The following ARFGAP1 variants were observed in gnomAD, a reference collection of about 807,000 sequenced individuals.
ARFGAP1 encodes ARF GTPase activating protein 1, also known as ADP-ribosylation factor GTPase-activating protein 1.
In ARFGAP1, 26 loss-of-function variants were observed where a neutral mutation model predicts 54.0. The ratio of observed to expected loss-of-function variants is 0.48; its 90% CI spans 0.35 to 0.67. ARFGAP1 has a LOEUF of 0.67. Ranked by LOEUF, ARFGAP1 falls within the 30% of genes least tolerant of loss-of-function variation. The pLI, the probability that ARFGAP1 is intolerant of heterozygous loss-of-function variation, is 0.00. For missense variants in ARFGAP1, 525 were observed against 535.8 expected (o/e 0.98, Z 0.20); for synonymous variants, 248 against 211.9 (o/e 1.17, Z -1.48).
chr20:63,276,181 GGGCTTGGGGTTCACCTC>G lies in ARFGAP1; in HGVS notation c.152_168del (p.Gly51GlufsTer15), dbSNP rs764439858. 1.9e-6 allele frequency: 3 copies of G among 1,613,798 alleles called. No homozygotes were observed. Among genetic ancestry groups the G allele is most frequent in the Non-Finnish European group, 2.5e-6 (3 of 1,180,014 alleles). On this transcript the variant is annotated frameshift_variant and splice_region_variant, in exon 3 of 13. Coordinates refer to ENST00000370283, the MANE Select transcript of ARFGAP1 (RefSeq NM_018209.4). LOFTEE classifies it high-confidence loss of function. This position sits in a 1 kb window ranked among gnomAD's most constrained non-coding sequence, Gnocchi z 5.2. ...CCTGGAGTGCTCGGGGAGACACCGC[GGGCTTGGGGTTCACCTC>G]AGGTCAGTGTCCTGCCGCTCTGGCT...
intron 10 of ARFGAP1, among the ~76,000 whole-genome samples, chr20:63,285,309 TA>T: frequency 6.6e-6 from 1 of 152,268 alleles, no homozygotes; most frequent in Non-Finnish European, 1.5e-5. Context: ...CCTGCCATCC[TA>T]GGGGGTCAAG....
rs976116050 is a variant in ARFGAP1, at chr20:63,286,499, C to T, written c.911+57C>T. On this transcript the variant is annotated intron_variant, in intron 12 of 12. Transcript: ENST00000370283. ...CCACTCCCCTGCCTTGGCCACTCCT[C>T]CTACAGGCTCTCCAGGAGGTGGCTG... The T allele has an allele frequency of 3.0e-5, 46 of 1,526,672 alleles. No homozygotes were observed. The African/African-American group carries it at 5.6e-4, about 19-fold the overall frequency. 94.6% of individuals were successfully genotyped at this position (1,526,672 alleles called of 1,614,324 possible).
rs373443252 is a variant in ARFGAP1 at position 63,276,300 on chromosome 20, C to T, written c.170+100C>T. The T allele has an allele frequency of 7.0e-7, 1 of 1,431,370 alleles. No individual in the cohort carries two copies. The highest frequency in any genetic ancestry group is 9.7e-7 in the Non-Finnish European group (1 of 1,028,894). The allele number at this position is 1,431,370 out of a possible 1,614,324, so 88.7% of individuals were successfully genotyped here. A position where few individuals can be genotyped will look rare whatever the true frequency, so the allele number is the denominator to read the frequency against. On this transcript the variant is annotated intron_variant, in intron 3 of 12. Coordinates refer to ENST00000370283, the MANE Select transcript of ARFGAP1 (RefSeq NM_018209.4). The surrounding 1 kb of genome is among the most constrained non-coding windows in gnomAD (Gnocchi z 5.2). ...TGACGCCAGGGAAGCTTGGGGGCCA[C>T]CTCCCATTGCATTGCCAGTGTCCAC...
chr20:63,281,679 C>T (rs2067384470), intron 8 of ARFGAP1, among the ~76,000 whole-genome samples: 1 of 152,176 alleles, frequency 6.6e-6, no homozygotes. Flanking sequence ...TCTCCGGCAC[C>T]CTGTGCCCTG....
In ARFGAP1 at chr20:63,287,936, C is replaced by T. The variant is rs1041259728; in HGVS notation, c.*63C>T. 9 of 1,427,678 alleles carry T rather than the reference C, an allele frequency of 6.3e-6. No homozygotes were observed. The highest frequency in any genetic ancestry group is 2.5e-4 in the Middle Eastern group (1 of 3,922). The allele number at this position is 1,427,678 out of a possible 1,614,324, so 88.4% of individuals were successfully genotyped here. Reference sequence around the variant, plus strand: ...CTTCGTGTTTGCACTCTGCCCTCGTCGTTCCTCCTCCTTCCATTTGACCCA... The same window carrying T: ...CTTCGTGTTTGCACTCTGCCCTCGTTGTTCCTCCTCCTTCCATTTGACCCA... On this transcript the variant is annotated 3_prime_UTR_variant, in exon 13 of 13. Transcript: ENST00000370283.
In ARFGAP1 at chr20:63,287,350, T is replaced by G. The variant is rs148494146; in HGVS notation, c.912-214T>G. Among the ~76,000 whole-genome samples, 232 of 152,256 alleles carry G rather than the reference T, an allele frequency of 1.5e-3. 2 individuals carry two copies. The highest frequency in any genetic ancestry group is 5.5e-3 in the African/African-American group (229 of 41,546). On this transcript the variant is annotated intron_variant, in intron 12 of 12. Transcript: ENST00000370283. ...AAAACTGTCCTCCAGTTGGGGTGGT[T>G]GATAAAGAGTGGGCCCTGGTTCTCC...
chr20:63,273,774 A>G (rs887595138), intron 1 of ARFGAP1, among the ~76,000 whole-genome samples: 3 of 152,142 alleles, frequency 2.0e-5, no homozygotes, highest in East Asian at 1.9e-4. Context: ...ACGTGGTGCT[A>G]TGGAAAGAGT....
chr20:63,284,596 C>A, intron 9 of ARFGAP1: 2 of 1,324,384 alleles, frequency 1.5e-6, no homozygotes, highest in Non-Finnish European at 9.7e-7. Context: ...CCCGGCAGGG[C>A]CGCATGGTGG....
At chr20:63,286,527 A>G in intron 12 of ARFGAP1, 85 bp downstream of exon 12, 2 of 1,382,160 alleles carry the variant, frequency 1.4e-6, no homozygotes, top group Non-Finnish European at 1.0e-6. Context: ...GGTGGCTGGC[A>G]TCCTTGCTGG....
chr20:63,279,477 A>G (rs1312257320), intron 7 of ARFGAP1, among the ~76,000 whole-genome samples: 1 of 152,146 alleles, frequency 6.6e-6, no homozygotes, highest in African/African-American at 2.4e-5. Context: ...AAGTGCTGGG[A>G]TTACAGGAGT....
chr20:63,272,816 A>AGCTGGTGGCG lies in ARFGAP1; in HGVS notation c.-100_-91dup, dbSNP rs1338600207. ...CCTTGCAAAGCGCAACGTAGCCGGA[A>AGCTGGTGGCG]GCTGGTGGCGGCTGGTGGGCGACCG... On this transcript the variant is annotated 5_prime_UTR_variant, in exon 1 of 13. Transcript: ENST00000370283. 1.3e-5 allele frequency: 2 copies of AGCTGGTGGCG among 152,272 alleles called. No individual in the cohort carries two copies. The highest frequency in any genetic ancestry group is 2.9e-5 in the Non-Finnish European group (2 of 68,152). 9.4% of individuals were successfully genotyped at this position (152,272 alleles called of 1,614,324 possible).
chr20:63,277,883 G>C (rs1215961129), intron 5 of ARFGAP1, among the ~76,000 whole-genome samples: 1 of 152,212 alleles, frequency 6.6e-6, no homozygotes, highest in Non-Finnish European at 1.5e-5. Context: ...AACAGGGAGA[G>C]TGCAGAGCCC....
Position 63,278,896 on chromosome 20 carries a change from C to G in ARFGAP1, c.531-3C>G, listed in dbSNP as rs960798535. The G allele has an allele frequency of 2.5e-6, 4 of 1,614,018 alleles. No individual in the cohort carries two copies. The highest frequency in any genetic ancestry group is 2.7e-5 in the African/African-American group (2 of 74,938). On this transcript the variant is annotated splice_polypyrimidine_tract_variant and splice_region_variant and intron_variant, in intron 6 of 12. Coordinates refer to ENST00000370283, the MANE Select transcript of ARFGAP1 (RefSeq NM_018209.4). Reference sequence around the variant, plus strand: ...TTCGGCCTCTTGTCCGCTTTGTTTTCAGGGCCCAGGGGAATCGCTACGTGG... The same window carrying G: ...TTCGGCCTCTTGTCCGCTTTGTTTTGAGGGCCCAGGGGAATCGCTACGTGG...
In ARFGAP1 at chr20:63,285,067, C is replaced by T; in HGVS notation, c.774+145C>T. 6.9e-6 allele frequency: 7 copies of T among 1,009,250 alleles called. No homozygotes were observed. The South Asian group carries it at 8.7e-5, about 13-fold the overall frequency. The allele number at this position is 1,009,250 out of a possible 1,614,324, so 62.5% of individuals were successfully genotyped here. On this transcript the variant is annotated intron_variant, in intron 10 of 12. Transcript: ENST00000370283. Reference sequence around the variant, plus strand: ...CACCCCACCTCTCCAGCACAGGCGTCCTCCTCGGGGCCTGGGCTCCTCTTG... The same window carrying T: ...CACCCCACCTCTCCAGCACAGGCGTTCTCCTCGGGGCCTGGGCTCCTCTTG...
intron 11 of ARFGAP1, chr20:63,285,987 G>T (rs2067525857): frequency 6.6e-7 from 1 of 1,525,718 alleles, no homozygotes. Context: ...AAGTGCCAGC[G>T]CCGTCTTTGC....
chr20:63,283,980 C>T, intron 9 of ARFGAP1: 10 of 1,562,106 alleles, frequency 6.4e-6, no homozygotes, highest in Middle Eastern at 3.4e-4. Flanking sequence ...CTTGTGTCAC[C>T]TCACATGTGC....
chr20:63,284,436 A>G (rs2067469380), intron 9 of ARFGAP1: 14 of 1,079,984 alleles, frequency 1.3e-5, no homozygotes, highest in South Asian at 3.0e-5. Context: ...GCTTCTTCCT[A>G]TGGCCCCAGC....
chr20:63,281,822 G>A (rs1259434032), intron 8 of ARFGAP1, among the ~76,000 whole-genome samples: 1 of 152,214 alleles, frequency 6.6e-6, no homozygotes, highest in Non-Finnish European at 1.5e-5. Flanking sequence ...AGACCCAAGA[G>A]CAGGCCTGAC....
intron 1 of ARFGAP1, chr20:63,273,927 C>G (rs1457549475): frequency 6.6e-6 from 1 of 152,250 alleles, no homozygotes; most frequent in Non-Finnish European, 1.5e-5. Flanking sequence ...TCCCGAGGCC[C>G]TTGTAAGCTC....
Sources: allele counts gnomAD v4.1 joint callset (sites outside exome capture counted in the v4.1 genomes callset), GRCh38; gene constraint gnomAD v4.1.1; non-coding constraint Gnocchi (gnomAD v3.1); transcripts MANE v1.5; gene names NCBI Gene and HGNC (gene_info 2026-07-23, HGNC 2026-07-21).